The following CSMD3 variants were observed in gnomAD, a reference collection of about 807,000 sequenced individuals.
CSMD3 encodes CUB and Sushi multiple domains 3.
A neutral mutation model predicts 435.2 loss-of-function variants in CSMD3; 177 were observed. That is an observed-to-expected ratio of 0.41 (90% CI 0.36 to 0.46). The LOEUF (loss-of-function observed/expected upper bound fraction) is 0.46, where lower values mean the gene tolerates loss of function less well. Ranked by LOEUF, CSMD3 falls within the 20% of genes least tolerant of loss-of-function variation. CSMD3 has a pLI of 0.34. For missense variants in CSMD3, 4,265 were observed against 4,504.6 expected (o/e 0.95, Z 1.52); for synonymous variants, 1,656 against 1,520.5 (o/e 1.09, Z -2.07).
intron 45 of CSMD3, among the ~76,000 whole-genome samples, chr8:112,320,442 CAA>C: frequency 6.6e-6 from 1 of 151,994 alleles, no homozygotes; most frequent in South Asian, 2.1e-4. Flanking sequence ...TCAATCCTCA[CAA>C]AAAAAATTTT....
chr8:112,334,842 T>C (rs1357138639), intron 45 of CSMD3, among the ~76,000 whole-genome samples: 1 of 152,206 alleles, frequency 6.6e-6, no homozygotes, highest in Non-Finnish European at 1.5e-5. Context: ...TGATCTGGAA[T>C]AGTCACTTAA....
chr8:113,230,582 C>A (rs1415776512), intron 3 of CSMD3, among the ~76,000 whole-genome samples: 1 of 151,486 alleles, frequency 6.6e-6, no homozygotes, highest in Non-Finnish European at 1.5e-5. Context: ...ATTATACCCT[C>A]CCACTTACAG....
At chr8:113,381,801 A>C (rs185934210) in intron 1 of CSMD3, among the ~76,000 whole-genome samples, 92 of 152,298 alleles carry the variant, frequency 6.0e-4, no homozygotes, top group Admixed American at 2.0e-3. Context: ...GCATAAAGAA[A>C]ATAACTCATA....
chr8:113,018,437 C>G (rs2086554895), intron 6 of CSMD3, among the ~76,000 whole-genome samples: 1 of 151,910 alleles, frequency 6.6e-6, no homozygotes, highest in African/African-American at 2.4e-5. Flanking sequence ...GTAGCTGATA[C>G]ACTACTGAGA....
At chr8:113,079,085 T>C (rs1347110129) in intron 5 of CSMD3, among the ~76,000 whole-genome samples, 2 of 152,188 alleles carry the variant, frequency 1.3e-5, no homozygotes, top group African/African-American at 4.8e-5. Context: ...AGAAAAAATA[T>C]ATTTGAATAC....
At chr8:112,617,086 T>C (rs1307560339) in intron 22 of CSMD3, among the ~76,000 whole-genome samples, 1 of 152,122 alleles carries the variant, frequency 6.6e-6, no homozygotes, top group African/African-American at 2.4e-5. Context: ...CGTGGAAATG[T>C]TCAAGGTCAT....
At chr8:112,334,726 A>C (rs1824401958) in intron 45 of CSMD3, among the ~76,000 whole-genome samples, 1 of 152,184 alleles carries the variant, frequency 6.6e-6, no homozygotes, top group Admixed American at 6.5e-5. Context: ...TCCTTTCAAA[A>C]AGTTAAGTTT....
chr8:113,285,314 C>A (rs987205295), intron 2 of CSMD3, among the ~76,000 whole-genome samples: 2 of 143,998 alleles, frequency 1.4e-5, no homozygotes, highest in African/African-American at 5.2e-5. Flanking sequence ...GGCTGGAGTG[C>A]AGTGGCACGA....
At chr8:112,990,682 G>T (rs989431361) in intron 6 of CSMD3, among the ~76,000 whole-genome samples, 1 of 151,788 alleles carries the variant, frequency 6.6e-6, no homozygotes, top group Non-Finnish European at 1.5e-5. Context: ...ACTTAGTATG[G>T]GTAAAGGATA....
At chr8:113,241,096 C>T (rs1161241621) in intron 3 of CSMD3, among the ~76,000 whole-genome samples, 3 of 151,966 alleles carry the variant, frequency 2.0e-5, no homozygotes, top group Admixed American at 2.0e-4. Context: ...TTTCTTTATT[C>T]AAGTACTTTG....
At position 112,904,595 on chromosome 8, in the gene CSMD3, A is replaced by G. The variant is rs142271927; in HGVS notation, c.1633+17032T>C. Among the ~76,000 whole-genome samples, 160 of 151,448 alleles carry G rather than the reference A, an allele frequency of 1.1e-3. 1 individual carries two copies. In the East Asian group the frequency reaches 0.024, roughly 23 times the overall value. The stretch of plus-strand genomic sequence containing the variant: ...TGAAGGTGGTTATCCTATGATAATA[A>G]GAGCAATTGGATTAGAAAAGATGTT... On this transcript the variant is annotated intron_variant, in intron 10 of 70. Coordinates refer to ENST00000297405, the MANE Select transcript of CSMD3 (RefSeq NM_198123.2).
At chr8:112,540,204 C>A (rs1427006577) in intron 27 of CSMD3, among the ~76,000 whole-genome samples, 1 of 151,786 alleles carries the variant, frequency 6.6e-6, no homozygotes, top group Non-Finnish European at 1.5e-5. Flanking sequence ...TACTAATAAT[C>A]AGGGAAATGC....
At chr8:112,541,730 G>GAAACA (rs532238616) in intron 27 of CSMD3, among the ~76,000 whole-genome samples, 2 of 151,212 alleles carry the variant, frequency 1.3e-5, no homozygotes, top group Non-Finnish European at 3.0e-5. Flanking sequence ...CCCGCAAATT[G>GAAACA]AAACAAAACA....
chr8:113,195,776 T>G (rs938971758), intron 3 of CSMD3, among the ~76,000 whole-genome samples: 2 of 142,474 alleles, frequency 1.4e-5, no homozygotes, highest in African/African-American at 5.2e-5. Flanking sequence ...ATATATAATA[T>G]TCATATCCTA....
intron 6 of CSMD3, among the ~76,000 whole-genome samples, chr8:113,009,604 G>A (rs1000004478): frequency 2.6e-5 from 4 of 151,682 alleles, no homozygotes; most frequent in Admixed American, 6.6e-5. Flanking sequence ...ACAAAATCTG[G>A]AGTCTCATGT....
chr8:113,042,528 T>C (rs2087666723), intron 5 of CSMD3, among the ~76,000 whole-genome samples: 1 of 152,188 alleles, frequency 6.6e-6, no homozygotes, highest in Non-Finnish European at 1.5e-5. Context: ...ATTTTTCTAA[T>C]GTATTTTGTG....
chr8:112,764,565 C>T lies in CSMD3; in HGVS notation c.1972+35597G>A, dbSNP rs555444570. Among the ~76,000 whole-genome samples the T allele has an allele frequency of 2.1e-3, 314 of 151,414 alleles. 1 individual carries two copies. The highest frequency in any genetic ancestry group is 7.3e-3 in the African/African-American group (302 of 41,428). On this transcript the variant is annotated intron_variant, in intron 13 of 70. Coordinates refer to ENST00000297405, the MANE Select transcript of CSMD3 (RefSeq NM_198123.2). Reference sequence around the variant, plus strand: ...ACTTGAGGGCTAAGTGTACACAGTTCAAAAACTTTTCATTTGTTATTTCTC... The same window carrying T: ...ACTTGAGGGCTAAGTGTACACAGTTTAAAAACTTTTCATTTGTTATTTCTC...
chr8:112,545,513 T>A (rs1439757179), intron 27 of CSMD3, among the ~76,000 whole-genome samples: 248 of 108,686 alleles, frequency 2.3e-3, no homozygotes, highest in African/African-American at 4.6e-3. Flanking sequence ...ATAATAATAA[T>A]AATAATAATA....
At chr8:112,413,751 T>C (rs574051607) in intron 32 of CSMD3, among the ~76,000 whole-genome samples, 1 of 152,324 alleles carries the variant, frequency 6.6e-6, no homozygotes, top group South Asian at 2.1e-4. Context: ...ATCTGCAATA[T>C]GGTTGAAACG....
Sources: allele counts gnomAD v4.1 joint callset (sites outside exome capture counted in the v4.1 genomes callset), GRCh38; gene constraint gnomAD v4.1.1; transcripts MANE v1.5; gene names NCBI Gene and HGNC (gene_info 2026-07-23, HGNC 2026-07-21).